The following ERAP1 variants were observed in gnomAD, a reference collection of about 807,000 sequenced individuals.
The protein encoded by ERAP1 is adipocyte-derived leucine aminopeptidase.
In ERAP1, 86 loss-of-function variants were observed where a neutral mutation model predicts 103.7. The observed-to-expected ratio is 0.83, with a 90% CI of 0.70 to 0.99. The LOEUF (loss-of-function observed/expected upper bound fraction) is 0.99. ERAP1 is among the 50% of genes least tolerant of loss of function. ERAP1 has a pLI of 0.00. For missense variants in ERAP1, 1,009 were observed against 1,128.4 expected (o/e 0.89, Z 1.52); for synonymous variants, 398 against 402.4 (o/e 0.99, Z 0.13).
the ERAP1 span, chr5:96,934,620 C>T: frequency 6.6e-6 from 1 of 152,260 alleles, no homozygotes; most frequent in African/African-American, 2.4e-5. Context: ...GTAATAACAA[C>T]AGGCAGTTTA....
rs146216068 is a variant in ERAP1, at chr5:96,796,038, C to T, written c.799-876G>A. Among the ~76,000 whole-genome samples the T allele has an allele frequency of 3.7e-3, 557 of 152,222 alleles. 2 individuals are homozygous for T. Among genetic ancestry groups the T allele is most frequent in the African/African-American group, 0.013 (523 of 41,556 alleles). The stretch of plus-strand genomic sequence containing the variant: ...TTCAGATAAGTGGCAAAGCAATGGG[C>T]GGGTGTTTTTGCTGATAGTTTCACT... On this transcript the variant is annotated intron_variant, in intron 4 of 18. Transcript: ENST00000443439.
intron 19 of ERAP1, chr5:96,765,267 G>A: frequency 6.3e-7 from 1 of 1,591,252 alleles, no homozygotes; most frequent in Non-Finnish European, 8.6e-7. Flanking sequence ...CTCTCTGACA[G>A]TCTAGGACAA....
intron 2 of ERAP1, 81 bp downstream of exon 2, chr5:96,803,322 T>C: frequency 6.9e-7 from 1 of 1,451,698 alleles, no homozygotes; most frequent in South Asian, 1.2e-5. Flanking sequence ...CAAAGGGAAT[T>C]TTAAAAGACA....
chr5:96,800,919 A>C lies in ERAP1; in HGVS notation c.606T>G (p.Ser202Arg), dbSNP rs763222893. 6.2e-7 allele frequency: 1 copy of C among 1,614,126 alleles called. No homozygotes were observed. The highest frequency in any genetic ancestry group is 2.2e-5 in the East Asian group (1 of 44,878). The change falls in exon 3 of 19, where the codon AGT becomes AGG. Residue 202 changes from serine to arginine, a missense_variant. Ser to Arg is a moderately radical substitution (Grantham distance 110). Around this residue, in one of 3 missense-constraint regions of ERAP1, gnomAD observed 392 missense variants for 455.2 expected, o/e 0.86. Transcript: ENST00000443439. ...GCTCTCTTCTAATTTTGATTGAGAA[A>C]CTTGCTTTGAAGGCAGGTTCATCAA... ...PCFDEPAFKA[S>R]FSIKIRREPR...
chr5:96,784,035 G>C lies in ERAP1; in HGVS notation c.1989C>G (p.Tyr663Ter), dbSNP rs148070748. 100 of 1,614,040 alleles carry C rather than the reference G, an allele frequency of 6.2e-5. No individual in the cohort carries two copies. The African/African-American group carries it at 1.1e-3, about 18-fold the overall frequency. Residue 663 changes from tyrosine to a stop codon, truncating the protein, a stop_gained, in exon 14 of 19, where the codon TAC becomes TAG. Transcript: ENST00000443439. LOFTEE classifies it high-confidence loss of function. Reference sequence around the variant, plus strand: ...GCATAATTTCAGTTTCATGTTTCAAGTACAGGGATAAATCCAAGGCCTTTT... The same window carrying C: ...GCATAATTTCAGTTTCATGTTTCAACTACAGGGATAAATCCAAGGCCTTTT... ...SIEKALDLSLYLKHETEIMPV... is the reference protein window; with the variant it reads ...SIEKALDLSL
intron 19 of ERAP1, chr5:96,763,314 A>G: frequency 1.3e-6 from 1 of 777,236 alleles, no homozygotes; most frequent in South Asian, 1.3e-5. Flanking sequence ...CTGGATTATA[A>G]TAAAGCACTT....
the ERAP1 span, among the ~76,000 whole-genome samples, chr5:96,927,606 C>T: frequency 6.6e-6 from 1 of 152,070 alleles, no homozygotes; most frequent in South Asian, 2.1e-4. Context: ...CCTGCCTCAG[C>T]CTCCCAAGTA....
the ERAP1 span, among the ~76,000 whole-genome samples, chr5:96,851,030 T>C: frequency 1.4e-4 from 22 of 152,274 alleles, 1 homozygote; most frequent in Non-Finnish European, 2.6e-4. Context: ...CTCAGTTTCT[T>C]TCATTTTTCT....
At chr5:96,930,681 CT>C in the ERAP1 span, among the ~76,000 whole-genome samples, 1 of 152,192 alleles carries the variant, frequency 6.6e-6, no homozygotes, top group Non-Finnish European at 1.5e-5. Flanking sequence ...TCAAATACCC[CT>C]CTCCTCCCAT....
the ERAP1 span, chr5:96,909,666 G>T: frequency 1.2e-6 from 2 of 1,614,150 alleles, no homozygotes; most frequent in Non-Finnish European, 8.5e-7. Flanking sequence ...TGCTCCGCTC[G>T]GCTCTCTTGA....
intron 4 of ERAP1, among the ~76,000 whole-genome samples, chr5:96,796,910 G>C (rs1193699069): frequency 6.6e-6 from 1 of 152,132 alleles, no homozygotes; most frequent in African/African-American, 2.4e-5. Context: ...CTCCCTAGTA[G>C]CTAGGACTAG....
At chr5:96,872,590 C>G in the ERAP1 span, among the ~76,000 whole-genome samples, 1 of 152,102 alleles carries the variant, frequency 6.6e-6, no homozygotes, top group South Asian at 2.1e-4. Flanking sequence ...CAGAGCAAGA[C>G]TCTGTCCCAA....
At chr5:96,855,787 C>G in the ERAP1 span, among the ~76,000 whole-genome samples, 2 of 152,092 alleles carry the variant, frequency 1.3e-5, no homozygotes, top group African/African-American at 2.4e-5. Context: ...AAGACATCTC[C>G]CTGTTGGTCT....
At chr5:96,838,054 G>T in the ERAP1 span, among the ~76,000 whole-genome samples, 5 of 152,042 alleles carry the variant, frequency 3.3e-5, no homozygotes, top group African/African-American at 9.7e-5. Context: ...GCACAGGGAT[G>T]GGGGGTGGGG....
chr5:96,867,073 C>G, the ERAP1 span, among the ~76,000 whole-genome samples: 2 of 150,892 alleles, frequency 1.3e-5, no homozygotes, highest in South Asian at 4.2e-4. Flanking sequence ...GTGGTACAAC[C>G]TTGGCTCACT....
At chr5:96,838,174 C>A in the ERAP1 span, among the ~76,000 whole-genome samples, 1 of 152,166 alleles carries the variant, frequency 6.6e-6, no homozygotes, top group African/African-American at 2.4e-5. Context: ...TCGCAGCGAA[C>A]CTGCCCTCTT....
chr5:96,881,337 C>T, the ERAP1 span: 1 of 445,374 alleles, frequency 2.2e-6, no homozygotes, highest in Non-Finnish European at 4.5e-6. Context: ...TGGAGTGAAA[C>T]AATTGAACTT....
At chr5:96,916,436 T>C in the ERAP1 span, among the ~76,000 whole-genome samples, 3 of 150,782 alleles carry the variant, frequency 2.0e-5, no homozygotes, top group African/African-American at 7.3e-5. Flanking sequence ...AACAAAACTA[T>C]TGTTGGTAAT....
chr5:96,888,365 G>A, the ERAP1 span, among the ~76,000 whole-genome samples: 41 of 152,102 alleles, frequency 2.7e-4, no homozygotes, highest in Non-Finnish European at 5.1e-4. Flanking sequence ...TTGGATTCAC[G>A]TCCCAGCTCT....
Sources: allele counts gnomAD v4.1 joint callset (sites outside exome capture counted in the v4.1 genomes callset), GRCh38; gene constraint gnomAD v4.1.1; regional missense constraint gnomAD v4.1.1; transcripts MANE v1.5; gene names NCBI Gene and HGNC (gene_info 2026-07-23, HGNC 2026-07-21).